TRPM1: variants seen among roughly 807,000 people sequenced by gnomAD.
TRPM1 encodes the protein TRPM1-203 APA Isoform, Intron 10.
TRPM1 carries 113 observed loss-of-function variants against 149.4 expected under a neutral mutation model. The ratio of observed to expected loss-of-function variants is 0.76; its 90% CI spans 0.65 to 0.88. The LOEUF (loss-of-function observed/expected upper bound fraction) is 0.88. TRPM1 is among the 40% of genes least tolerant of loss of function. TRPM1 has a pLI of 0.00. For synonymous variants in TRPM1, 741 were observed against 759.5 expected, an observed-to-expected ratio of 0.98 and a Z score of 0.40; for missense variants, 1,976 against 2,038.7, an observed-to-expected ratio of 0.97 and a Z score of 0.59.
At chr15:31,003,227 C>T (rs1247660699) in intron 27 of TRPM1, among the ~76,000 whole-genome samples, 157 bp from the exon 28 acceptor site, 2 of 152,106 alleles carry the variant, frequency 1.3e-5, no homozygotes, top group Non-Finnish European at 2.9e-5. Flanking sequence ...CATGACTACT[C>T]GAATTACCAT....
At chr15:31,044,925 A>G (rs2140933977) in intron 16 of TRPM1, among the ~76,000 whole-genome samples, 1 of 152,304 alleles carries the variant, frequency 6.6e-6, no homozygotes, top group South Asian at 2.1e-4. Flanking sequence ...TTAGGAAACT[A>G]TAAATGACCA....
chr15:31,097,230 A>G (rs985638864), intron 1 of TRPM1, among the ~76,000 whole-genome samples: 1 of 53,668 alleles, frequency 1.9e-5, no homozygotes, highest in Non-Finnish European at 4.0e-5. Flanking sequence ...GCTGTCACCC[A>G]CCCACCCACC....
chr15:31,116,246 T>A (rs2035796277), intron 1 of TRPM1, among the ~76,000 whole-genome samples: 1 of 151,992 alleles, frequency 6.6e-6, no homozygotes, highest in Non-Finnish European at 1.5e-5. Context: ...TCACATAAGT[T>A]GGGGAAAAGC....
chr15:31,092,710 G>A (rs138339484), intron 1 of TRPM1, among the ~76,000 whole-genome samples: 184 of 152,250 alleles, frequency 1.2e-3, no homozygotes, highest in African/African-American at 4.1e-3. Context: ...CTGTTCATAA[G>A]CACTCAACAC....
chr15:31,035,482 A>G, intron 21 of TRPM1, 64 bp downstream of exon 21: 2 of 1,611,156 alleles, frequency 1.2e-6, no homozygotes, highest in Non-Finnish European at 1.7e-6. Flanking sequence ...TTTTTCAGTA[A>G]GGAGCCATAT....
chr15:31,063,235 A>G lies in TRPM1; in HGVS notation c.848T>C (p.Val283Ala), dbSNP rs2034283344. Residue 283 changes from valine to alanine, a missense_variant, in exon 8 of 28, where the codon GTG becomes GCG. Coordinates refer to ENST00000256552, the MANE Select transcript of TRPM1 (RefSeq NM_001252024.2). ...GLVVEGGPNV[V>A]SIVLEYLQEE... ...TTGCAGGTATTCCAAGACGATGGAC[A>G]CCACGTTAGGGCCCCCCTCCACCAC... 1.3e-5 allele frequency: 21 copies of G among 1,614,178 alleles called. No individual in the cohort carries two copies. Among genetic ancestry groups the G allele is most frequent in the Non-Finnish European group, 1.7e-5 (20 of 1,180,038 alleles).
chr15:31,136,749 C>CT (rs60370849), intron 1 of TRPM1, among the ~76,000 whole-genome samples: 2,740 of 137,794 alleles, frequency 0.02, 65 homozygotes, highest in East Asian at 0.036. Flanking sequence ...CGCCCCCACC[C>CT]TTTTTTTTTT....
At chr15:31,020,447 C>T (rs1372005047) in intron 27 of TRPM1, among the ~76,000 whole-genome samples, 1 of 152,244 alleles carries the variant, frequency 6.6e-6, no homozygotes, top group Non-Finnish European at 1.5e-5. Context: ...GTATCCCTGC[C>T]TTTCGGCTGT....
chr15:31,081,934 G>T (rs2034869367), intron 1 of TRPM1, among the ~76,000 whole-genome samples: 1 of 152,198 alleles, frequency 6.6e-6, no homozygotes, highest in South Asian at 2.1e-4. Context: ...GCAGTGTGCA[G>T]GTGAAAGGCA....
upstream of TRPM1, among the ~76,000 whole-genome samples, chr15:31,102,331 T>C (rs1438253743): frequency 6.6e-6 from 1 of 152,216 alleles, no homozygotes. Context: ...TGTAACAGTA[T>C]GCGTGGTTAT....
intron 1 of TRPM1, among the ~76,000 whole-genome samples, chr15:31,149,845 C>G (rs527380240): frequency 2.9e-4 from 44 of 152,356 alleles, no homozygotes; most frequent in African/African-American, 1.0e-3. Flanking sequence ...CCTCTTCCAT[C>G]TTGACATTCT....
intron 1 of TRPM1, among the ~76,000 whole-genome samples, chr15:31,147,938 T>C (rs1027723226): frequency 2.0e-5 from 3 of 152,176 alleles, no homozygotes; most frequent in Non-Finnish European, 4.4e-5. Flanking sequence ...TGCTGAGTAC[T>C]GAAATCTCGC....
chr15:31,088,029 C>T (rs1212949440), intron 1 of TRPM1, among the ~76,000 whole-genome samples: 1 of 152,208 alleles, frequency 6.6e-6, no homozygotes, highest in African/African-American at 2.4e-5. Flanking sequence ...AGAAATGCAG[C>T]TATCTGCGCT....
chr15:31,052,832 A>T (rs945772495), intron 11 of TRPM1, among the ~76,000 whole-genome samples: 33 of 152,208 alleles, frequency 2.2e-4, no homozygotes, highest in African/African-American at 7.7e-4. Flanking sequence ...GGGCAAAAAT[A>T]TCACTATATT....
At chr15:31,012,988 C>CTTTTTTTTTTTTTTTTTTTTTT in intron 27 of TRPM1, among the ~76,000 whole-genome samples, 1 of 110,414 alleles carries the variant, frequency 9.1e-6, no homozygotes, top group Non-Finnish European at 1.9e-5. Context: ...TTTTTTTTTT[C>CTTTTTTTTTTTTTTTTTTTTTT]TTTTTTTTTT....
chr15:31,037,215 G>T (rs1220306578), intron 20 of TRPM1, among the ~76,000 whole-genome samples: 4 of 152,256 alleles, frequency 2.6e-5, no homozygotes, highest in Admixed American at 2.6e-4. Flanking sequence ...CTGGAGGATG[G>T]CTTGCCAGCC....
At chr15:31,065,163 A>C (rs752137241) in intron 7 of TRPM1, 1 of 530,732 alleles carries the variant, frequency 1.9e-6, no homozygotes, top group East Asian at 5.5e-5. Flanking sequence ...GTAAAAACTT[A>C]CAAGTCCAGA....
At chr15:31,150,113 C>CT (rs1416857871) in intron 1 of TRPM1, among the ~76,000 whole-genome samples, 2 of 152,170 alleles carry the variant, frequency 1.3e-5, no homozygotes, top group East Asian at 1.9e-4. Flanking sequence ...CCTAAGTGTT[C>CT]TTAAGTGTCC....
chr15:31,150,238 T>C (rs2036281459), intron 1 of TRPM1, among the ~76,000 whole-genome samples: 1 of 152,158 alleles, frequency 6.6e-6, no homozygotes, highest in African/African-American at 2.4e-5. Context: ...TCAGAGCCTT[T>C]AGTTTGCTGA....
Sources: gnomAD v4.1 joint callset for allele counts (sites outside exome capture counted in the v4.1 genomes callset) on GRCh38, gnomAD v4.1.1 for gene constraint, MANE v1.5 for transcripts, NCBI Gene and HGNC (gene_info 2026-07-23, HGNC 2026-07-21) for gene names.